The following KALRN variants were observed in gnomAD, a reference collection of about 807,000 sequenced individuals.
KALRN encodes the protein kalirin RhoGEF kinase.
A neutral mutation model predicts 353.7 loss-of-function variants in KALRN; 70 were observed. That is an observed-to-expected ratio of 0.20 (90% CI 0.16 to 0.24). The LOEUF is 0.24. Among genes scored for constraint, KALRN ranks in the 10% least tolerant of loss-of-function variants. KALRN has a pLI of 1.00. For synonymous variants in KALRN, 1,391 were observed against 1,434.8 expected, an observed-to-expected ratio of 0.97 and a Z score of 0.69; for missense variants, 2,791 against 3,756.7, an observed-to-expected ratio of 0.74 and a Z score of 6.72.
At chr3:124,491,976 G>A (rs760661216) in intron 31 of KALRN, among the ~76,000 whole-genome samples, 1 of 152,084 alleles carries the variant, frequency 6.6e-6, no homozygotes, top group Non-Finnish European at 1.5e-5. Flanking sequence ...ACCAGAAGAC[G>A]GCCTTGAGGA....
intron 33 of KALRN, among the ~76,000 whole-genome samples, chr3:124,531,550 G>A (rs1193231171): frequency 2.0e-5 from 3 of 152,156 alleles, no homozygotes; most frequent in African/African-American, 7.2e-5. Flanking sequence ...GGTTCCACAG[G>A]CTGTACAGCA....
At chr3:124,443,319 A>G (rs937526975) in intron 19 of KALRN, among the ~76,000 whole-genome samples, 12 of 152,230 alleles carry the variant, frequency 7.9e-5, no homozygotes, top group African/African-American at 1.9e-4. Flanking sequence ...GAGGCTAGGA[A>G]TGGAACCCAA....
At chr3:124,034,981 G>T (rs1559848443) in intron 1 of KALRN, among the ~76,000 whole-genome samples, 1 of 152,084 alleles carries the variant, frequency 6.6e-6, no homozygotes, top group Non-Finnish European at 1.5e-5. Flanking sequence ...AGGGAAGGGG[G>T]TGGGGTGCTT....
chr3:124,170,581 G>T (rs1341775177), intron 1 of KALRN, among the ~76,000 whole-genome samples: 2 of 152,182 alleles, frequency 1.3e-5, no homozygotes, highest in Non-Finnish European at 2.9e-5. Context: ...GTGACCAACA[G>T]GTTGATATAT....
intron 1 of KALRN, among the ~76,000 whole-genome samples, chr3:124,208,554 T>C (rs2076621408): frequency 6.6e-6 from 1 of 152,174 alleles, no homozygotes; most frequent in African/African-American, 2.4e-5. Flanking sequence ...GCTCTCTGCT[T>C]GGGGAAGATG....
At chr3:124,251,405 C>T (rs2071150629) in intron 3 of KALRN, among the ~76,000 whole-genome samples, 1 of 144,124 alleles carries the variant, frequency 6.9e-6, no homozygotes, top group African/African-American at 2.6e-5. Context: ...GGGTCTGGCT[C>T]TGTTGCCCAG....
chr3:124,366,968 C>T (rs1260288220), intron 10 of KALRN, among the ~76,000 whole-genome samples: 6 of 139,454 alleles, frequency 4.3e-5, no homozygotes, highest in Non-Finnish European at 6.2e-5. Context: ...CAGGCAGAGG[C>T]GCCCCTCACC....
intron 1 of KALRN, among the ~76,000 whole-genome samples, chr3:124,109,823 G>T (rs1366931546): frequency 8.9e-4 from 1 of 1,128 alleles, no homozygotes; most frequent in Non-Finnish European, 1.9e-3. Flanking sequence ...ATCATACTTT[G>T]ATATATATAT....
chr3:124,120,613 T>C (rs1411792807), intron 1 of KALRN, among the ~76,000 whole-genome samples: 1 of 151,594 alleles, frequency 6.6e-6, no homozygotes, highest in Non-Finnish European at 1.5e-5. Context: ...GAATGAGCCA[T>C]GTGCCTAGAA....
chr3:124,038,734 C>T (rs1350371065), intron 1 of KALRN, among the ~76,000 whole-genome samples: 3 of 152,220 alleles, frequency 2.0e-5, no homozygotes, highest in African/African-American at 4.8e-5. Flanking sequence ...ACTTGGGCTT[C>T]AGCCAATCTC....
chr3:124,345,197 A>G (rs1248812715), intron 9 of KALRN, among the ~76,000 whole-genome samples: 1 of 152,244 alleles, frequency 6.6e-6, no homozygotes, highest in Non-Finnish European at 1.5e-5. Context: ...TATGCAAAAA[A>G]TTATCATCAA....
rs1233819015 is a variant in KALRN at position 124,704,385 on chromosome 3, A to G, written c.8075+2269A>G. 2.0e-5 allele frequency among the ~76,000 whole-genome samples: 3 copies of G among 152,166 alleles called. No homozygotes were observed. In the South Asian group the frequency reaches 6.2e-4, roughly 32 times the overall value. On this transcript the variant is annotated intron_variant, in intron 57 of 59. Coordinates refer to ENST00000682506, the MANE Select transcript of KALRN (RefSeq NM_001388419.1). ...TTGATATTTCTCAAAGGGAAGATCA[A>G]TTTTCTTATCTGTTCAAAAGTAATC... is the stretch of plus-strand genomic sequence containing the variant.
At chr3:124,513,185 G>A (rs1306941076) in intron 33 of KALRN, among the ~76,000 whole-genome samples, 3 of 152,172 alleles carry the variant, frequency 2.0e-5, no homozygotes, top group African/African-American at 4.8e-5. Flanking sequence ...CAGGGGGTAG[G>A]GGGCTGGGAG....
At chr3:124,134,758 G>A (rs765443993) in intron 1 of KALRN, among the ~76,000 whole-genome samples, 2 of 152,030 alleles carry the variant, frequency 1.3e-5, no homozygotes, top group Non-Finnish European at 2.9e-5. Flanking sequence ...ACAAATGGCC[G>A]ACAAACATAT....
At chr3:124,626,702 G>C (rs914203983) in intron 34 of KALRN, among the ~76,000 whole-genome samples, 1 of 152,294 alleles carries the variant, frequency 6.6e-6, no homozygotes, top group South Asian at 2.1e-4. Flanking sequence ...CTAGATGCTG[G>C]TACTAGTTTT....
rs150426396 is a variant in KALRN, at chr3:124,554,084, C to T, written c.4936-8759C>T. Among the ~76,000 whole-genome samples, 318 of 152,328 alleles carry T rather than the reference C, an allele frequency of 2.1e-3. 1 individual carries two copies. The highest frequency in any genetic ancestry group is 6.8e-3 in the Middle Eastern group (2 of 294). On this transcript the variant is annotated intron_variant, in intron 33 of 59. Transcript: ENST00000682506. ...TAAAGAACAGGCACAGGCCAGGCAC[C>T]GTGGCTTACGCCTGTAACTCTAGCA...
At chr3:124,430,887 T>C in intron 16 of KALRN, 112 bp downstream of exon 16, 1 of 1,301,558 alleles carries the variant, frequency 7.7e-7, no homozygotes. Flanking sequence ...CTGTACCCCT[T>C]CTAGTAGAAT....
intron 1 of KALRN, among the ~76,000 whole-genome samples, chr3:124,116,522 G>A (rs1016936437): frequency 6.6e-6 from 1 of 152,114 alleles, no homozygotes; most frequent in Non-Finnish European, 1.5e-5. Context: ...TTCTAATCTA[G>A]CTTTTCTTAT....
At chr3:124,532,868 C>A (rs1288260499) in intron 33 of KALRN, among the ~76,000 whole-genome samples, 1 of 150,898 alleles carries the variant, frequency 6.6e-6, no homozygotes, top group African/African-American at 2.4e-5. Context: ...AAACTGATTT[C>A]TACATTTCCT....
Sources: allele counts gnomAD v4.1 joint callset (sites outside exome capture counted in the v4.1 genomes callset), GRCh38; gene constraint gnomAD v4.1.1; transcripts MANE v1.5; gene names NCBI Gene and HGNC (gene_info 2026-07-23, HGNC 2026-07-21).